CACNB2: variants seen among roughly 807,000 people sequenced by gnomAD.
The protein encoded by CACNB2 is voltage-dependent L-type calcium channel subunit beta-2.
Under a neutral mutation model 73.3 loss-of-function variants are expected in CACNB2, and 42 were observed. That is an observed-to-expected ratio of 0.57 (90% CI 0.45 to 0.74). The LOEUF is 0.74. CACNB2 is among the 30% of genes least tolerant of loss of function. CACNB2 has a pLI of 0.00. For missense variants in CACNB2, 940 were observed against 853.0 expected (o/e 1.10, Z -1.27); for synonymous variants, 348 against 310.3 (o/e 1.12, Z -1.28).
intron 2 of CACNB2, among the ~76,000 whole-genome samples, chr10:18,350,990 G>C (rs2041681277): frequency 6.6e-6 from 1 of 152,040 alleles, no homozygotes; most frequent in African/African-American, 2.4e-5. Flanking sequence ...CAATCTTCTA[G>C]AATGATCAAC....
chr10:18,429,111 A>C (rs929972410), intron 3 of CACNB2, among the ~76,000 whole-genome samples: 1 of 152,234 alleles, frequency 6.6e-6, no homozygotes, highest in Non-Finnish European at 1.5e-5. Context: ...GATTTTTGAC[A>C]ATGAAGTCTC....
chr10:18,244,472 A>C (rs2036785241), intron 2 of CACNB2, among the ~76,000 whole-genome samples: 1 of 152,262 alleles, frequency 6.6e-6, no homozygotes. Flanking sequence ...AAATTGATGC[A>C]CATATTCAGG....
chr10:18,289,151 T>G (rs11013360), intron 2 of CACNB2, among the ~76,000 whole-genome samples: 85,736 of 151,854 alleles, frequency 0.56, 24,965 homozygotes, highest in African/African-American at 0.67. Flanking sequence ...CAACTTTAGT[T>G]GTAATATCAA....
At chr10:18,396,845 A>G (rs906567460) in intron 2 of CACNB2, among the ~76,000 whole-genome samples, 1 of 152,162 alleles carries the variant, frequency 6.6e-6, no homozygotes, top group Non-Finnish European at 1.5e-5. Context: ...GCATCGTCCT[A>G]TGCATGAGGA....
At chr10:18,160,864 G>T (rs900208856) in intron 2 of CACNB2, among the ~76,000 whole-genome samples, 1 of 152,130 alleles carries the variant, frequency 6.6e-6, no homozygotes, top group Non-Finnish European at 1.5e-5. Flanking sequence ...AGTCATTTTT[G>T]AGGGTTCAGT....
chr10:18,218,410 G>C (rs987243354), intron 2 of CACNB2, among the ~76,000 whole-genome samples: 1 of 152,140 alleles, frequency 6.6e-6, no homozygotes, highest in Non-Finnish European at 1.5e-5. Context: ...TCACAATCTA[G>C]ATCCCAAGAG....
chr10:18,443,789 A>ACTGAAACCTCCACCTCC (rs1227390025), intron 3 of CACNB2, among the ~76,000 whole-genome samples: 1 of 147,578 alleles, frequency 6.8e-6, no homozygotes, highest in African/African-American at 2.5e-5. Flanking sequence ...ATCTCAGCTC[A>ACTGAAACCTCCACCTCC]CTGAAACCTC....
At chr10:18,527,914 T>C (rs1391069303) in intron 10 of CACNB2, among the ~76,000 whole-genome samples, 3 of 152,214 alleles carry the variant, frequency 2.0e-5, no homozygotes, top group Non-Finnish European at 4.4e-5. Flanking sequence ...TCAGCATTAA[T>C]GTTTTGGTTG....
intron 3 of CACNB2, among the ~76,000 whole-genome samples, chr10:18,406,143 G>T (rs1589258740): frequency 6.6e-6 from 1 of 152,176 alleles, no homozygotes; most frequent in East Asian, 1.9e-4. Flanking sequence ...AAATTGGCAG[G>T]TCTTTTGCCT....
chr10:18,522,611 G>A (rs767413653), intron 9 of CACNB2, among the ~76,000 whole-genome samples: 1 of 152,098 alleles, frequency 6.6e-6, no homozygotes, highest in Non-Finnish European at 1.5e-5. Flanking sequence ...TGGGCTTGGT[G>A]GCTCCTGCCT....
At chr10:18,506,388 T>C (rs1174862946) in intron 5 of CACNB2, 83 bp from the exon 6 acceptor site, 1 of 770,786 alleles carries the variant, frequency 1.3e-6, no homozygotes, top group Non-Finnish European at 2.3e-6. Flanking sequence ...AAAACCATAA[T>C]GAATTATGTT....
At chr10:18,170,938 G>A (rs1015581935) in intron 2 of CACNB2, among the ~76,000 whole-genome samples, 5 of 152,144 alleles carry the variant, frequency 3.3e-5, no homozygotes, top group Admixed American at 1.3e-4. Flanking sequence ...GATAATTCTT[G>A]CATGGAATCT....
intron 2 of CACNB2, chr10:18,340,954 C>A: frequency 1.2e-6 from 2 of 1,614,150 alleles, no homozygotes; most frequent in East Asian, 2.2e-5. Flanking sequence ...TATAGCTCCT[C>A]AAACTAAATA....
chr10:18,460,199 A>G (rs2047494517), intron 3 of CACNB2, among the ~76,000 whole-genome samples: 1 of 152,164 alleles, frequency 6.6e-6, no homozygotes, highest in African/African-American at 2.4e-5. Context: ...TGTTGTTTTA[A>G]TTCATGTTTT....
At chr10:18,436,027 C>G (rs2132878529) in intron 3 of CACNB2, among the ~76,000 whole-genome samples, 1 of 152,292 alleles carries the variant, frequency 6.6e-6, no homozygotes, top group Middle Eastern at 3.4e-3. Flanking sequence ...ATGCTTAGAT[C>G]ATTTTTAGAG....
intron 2 of CACNB2, among the ~76,000 whole-genome samples, chr10:18,202,143 G>A (rs1388094457): frequency 6.6e-6 from 1 of 152,148 alleles, no homozygotes; most frequent in Non-Finnish European, 1.5e-5. Flanking sequence ...CCTTAAAATG[G>A]AATTGACTTT....
chr10:18,307,983 C>CCTTTTT (rs1356604464), intron 2 of CACNB2, among the ~76,000 whole-genome samples: 1 of 70,268 alleles, frequency 1.4e-5, no homozygotes, highest in African/African-American at 6.0e-5. Flanking sequence ...TATATGCCAA[C>CCTTTTT]TTTTTTTTTT....
At position 18,356,942 on chromosome 10, in the gene CACNB2, C is replaced by CTTTTTTTTTTTT. The variant is rs71402158; in HGVS notation, c.214-44973_214-44962dup. Among the ~76,000 whole-genome samples the CTTTTTTTTTTTT allele has an allele frequency of 3.7e-3, 369 of 100,984 alleles. 29 individuals are homozygous for CTTTTTTTTTTTT. The highest frequency in any genetic ancestry group is 6.1e-3 in the Non-Finnish European group (299 of 49,056). The allele number at this position is 100,984 out of a possible 152,430, so 66.2% of individuals were successfully genotyped here. A position where few individuals can be genotyped will look rare whatever the true frequency, so the allele number is the denominator to read the frequency against. ...ACTGTGCCTGGCCCAGACTCAATTT[C>CTTTTTTTTTTTT]TTTTTTTTTTTTTTTTTTTTGAGAC... On this transcript the variant is annotated intron_variant, in intron 2 of 13. Transcript: ENST00000324631.
At chr10:18,515,479 C>T (rs987990257) in intron 7 of CACNB2, among the ~76,000 whole-genome samples, 2 of 152,202 alleles carry the variant, frequency 1.3e-5, no homozygotes, top group Admixed American at 6.5e-5. Flanking sequence ...AAACTCTCCA[C>T]ATAATGAACA....
Sources: allele counts gnomAD v4.1 joint callset (sites outside exome capture counted in the v4.1 genomes callset), GRCh38; gene constraint gnomAD v4.1.1; transcripts MANE v1.5; gene names NCBI Gene and HGNC (gene_info 2026-07-23, HGNC 2026-07-21).